Variants in SEMA5A observed in about 807,000 individuals in gnomAD.
SEMA5A encodes semaphorin 5A, also known as semaphorin-5A.
Under a neutral mutation model 135.5 loss-of-function variants are expected in SEMA5A, and 55 were observed. The ratio of observed to expected loss-of-function variants is 0.41; its 90% CI spans 0.33 to 0.51. The LOEUF (loss-of-function observed/expected upper bound fraction) is 0.51. Ranked by LOEUF, SEMA5A falls within the 20% of genes least tolerant of loss-of-function variation. The pLI is 0.37. For synonymous variants in SEMA5A, 580 were observed against 546.5 expected (o/e 1.06, Z -0.85); for missense variants, 1,290 against 1,419.9 (o/e 0.91, Z 1.47).
intron 1 of SEMA5A, among the ~76,000 whole-genome samples, chr5:9,452,830 G>A (rs549574397): frequency 8.5e-5 from 13 of 152,188 alleles, no homozygotes; most frequent in African/African-American, 2.6e-4. Context: ...GAAGCCCAAC[G>A]ACAATAATGC....
intron 15 of SEMA5A, among the ~76,000 whole-genome samples, chr5:9,117,178 T>C (rs1261953118): frequency 6.6e-6 from 1 of 152,234 alleles, no homozygotes; most frequent in Non-Finnish European, 1.5e-5. Context: ...TATCTTTTCC[T>C]GAAGACACCG....
At chr5:9,487,490 G>A (rs954050605) in intron 1 of SEMA5A, among the ~76,000 whole-genome samples, 1 of 152,180 alleles carries the variant, frequency 6.6e-6, no homozygotes, top group Non-Finnish European at 1.5e-5. Context: ...AGGCTGAAGG[G>A]TGGAGGTTTG....
At position 9,458,689 on chromosome 5, in the gene SEMA5A, T is replaced by C. The variant is rs268537; in HGVS notation, c.-174-20837A>G. Reference sequence around the variant, plus strand: ...CTCTACAGAAAACCAGGGCTCCATGTTCAAAGCTGAGTTTGCTGTAAAATG... The same window carrying C: ...CTCTACAGAAAACCAGGGCTCCATGCTCAAAGCTGAGTTTGCTGTAAAATG... On this transcript the variant is annotated intron_variant, in intron 1 of 22. Transcript: ENST00000382496. Among the ~76,000 whole-genome samples, 810 of 152,306 alleles carry C rather than the reference T, an allele frequency of 5.3e-3. 12 individuals carry two copies. Among genetic ancestry groups the C allele is most frequent in the African/African-American group, 0.018 (764 of 41,568 alleles).
rs532435171 is a variant in SEMA5A at position 9,230,540 on chromosome 5, A to G, written c.334-3573T>C. ...GATCATTAAGACCACGTGAGAATACATGAAGACACTGGCTCTATTATTGGC... is the reference window on the plus strand; with the variant it reads ...GATCATTAAGACCACGTGAGAATACGTGAAGACACTGGCTCTATTATTGGC... On this transcript the variant is annotated intron_variant, in intron 6 of 22. Coordinates refer to ENST00000382496, the MANE Select transcript of SEMA5A (RefSeq NM_003966.3). Among the ~76,000 whole-genome samples the G allele has an allele frequency of 4.6e-5, 7 of 152,312 alleles. No individual in the cohort carries two copies. In the South Asian group the frequency reaches 1.0e-3, roughly 23 times the overall value.
intron 16 of SEMA5A, among the ~76,000 whole-genome samples, chr5:9,100,749 T>A (rs926729407): frequency 1.3e-5 from 2 of 151,984 alleles, no homozygotes; most frequent in African/African-American, 2.4e-5. Flanking sequence ...AAGAAAATAG[T>A]CCAAAATAAT....
intron 12 of SEMA5A, among the ~76,000 whole-genome samples, chr5:9,139,571 T>A (rs1382767915): frequency 6.6e-6 from 1 of 152,264 alleles, no homozygotes; most frequent in African/African-American, 2.4e-5. Context: ...GTAAACTTCC[T>A]ATCCATATCC....
Position 9,204,015 on chromosome 5 carries a change from C to T in SEMA5A, c.647-1775G>A, listed in dbSNP as rs1372474124. The stretch of plus-strand genomic sequence containing the variant: ...TTAAGTCTGTGTTTACTGTAAGTCT[C>T]CAAAACAGAATTACCTGATGAAGCA... On this transcript the variant is annotated intron_variant, in intron 8 of 22. Transcript: ENST00000382496. This position sits in a 1 kb window ranked among gnomAD's most constrained non-coding sequence, Gnocchi z 6.4. Among the ~76,000 whole-genome samples the T allele has an allele frequency of 1.3e-5, 2 of 151,936 alleles. No individual in the cohort carries two copies. The highest frequency in any genetic ancestry group is 4.8e-5 in the African/African-American group (2 of 41,326).
intron 8 of SEMA5A, among the ~76,000 whole-genome samples, chr5:9,207,102 G>GTATATATATA (rs70943947): frequency 0.028 from 2,716 of 97,240 alleles, 134 homozygotes; most frequent in Middle Eastern, 0.033. Flanking sequence ...ATGATCAAGT[G>GTATATATATA]TATATATATA....
rs138890988 is a variant in SEMA5A at position 9,300,104 on chromosome 5, G to A, written c.270+18268C>T. Among the ~76,000 whole-genome samples, 7 of 152,242 alleles carry A rather than the reference G, an allele frequency of 4.6e-5. No individual in the cohort carries two copies. In the East Asian group the frequency reaches 1.2e-3, roughly 25 times the overall value. ...TGCACTGGCACTATCATGGCTCACT[G>A]CAGCATCGAGCTCCCCAGTCTCCAG... On this transcript the variant is annotated intron_variant, in intron 5 of 22. Transcript: ENST00000382496.
intron 2 of SEMA5A, among the ~76,000 whole-genome samples, chr5:9,422,118 C>G (rs139600358): frequency 1.5e-3 from 227 of 152,282 alleles, no homozygotes; most frequent in Non-Finnish European, 2.6e-3. Flanking sequence ...GGAAAAGATC[C>G]AGTACAAATA....
chr5:9,369,808 C>T (rs1371559620), intron 3 of SEMA5A, among the ~76,000 whole-genome samples: 5 of 151,654 alleles, frequency 3.3e-5, no homozygotes, highest in African/African-American at 4.9e-5. Flanking sequence ...AGTGCAGGAG[C>T]TTAGAGGCAT....
At chr5:9,460,132 C>T (rs988745023) in intron 1 of SEMA5A, among the ~76,000 whole-genome samples, 7 of 152,182 alleles carry the variant, frequency 4.6e-5, no homozygotes, top group African/African-American at 1.4e-4. Context: ...TTTGGTAGCT[C>T]ATATAAAACA....
chr5:9,497,945 C>G (rs954807090), intron 1 of SEMA5A, among the ~76,000 whole-genome samples: 4 of 152,230 alleles, frequency 2.6e-5, no homozygotes, highest in Non-Finnish European at 5.9e-5. Context: ...GGACATGACA[C>G]AGGCAAAGCT....
chr5:9,413,312 A>G (rs1169010201), intron 2 of SEMA5A, among the ~76,000 whole-genome samples: 1 of 152,238 alleles, frequency 6.6e-6, no homozygotes, highest in Non-Finnish European at 1.5e-5. Flanking sequence ...TATATATGGC[A>G]TTAATCAGAA....
rs1754880833 is a variant in SEMA5A, at chr5:9,365,568, T to C, written c.124+14255A>G. 2.0e-5 allele frequency among the ~76,000 whole-genome samples: 3 copies of C among 152,194 alleles called. No homozygotes were observed. The South Asian group carries it at 6.2e-4, about 31-fold the overall frequency. On this transcript the variant is annotated intron_variant, in intron 3 of 22. Transcript: ENST00000382496. ...GTGTTTCAGCACCATTTAAATAGTG[T>C]ACCCAAGATGAGTTCCTCACTCACC...
chr5:9,224,734 G>A lies in SEMA5A; in HGVS notation c.586C>T (p.Arg196Ter), dbSNP rs755337949. ...AGAGGAGGTAAAATGCCTAGGCTTCGGTAAATGGCAGGATCACGTCCTGGA... is the reference window on the plus strand; with the variant it reads ...AGAGGAGGTAAAATGCCTAGGCTTCAGTAAATGGCAGGATCACGTCCTGGA... ...DFPGRDPAIY[R>*]SLGILPPLRT... The change falls in exon 8 of 23, where the codon CGA becomes TGA. Residue 196 changes from arginine to a stop codon, truncating the protein, a stop_gained. Coordinates refer to ENST00000382496, the MANE Select transcript of SEMA5A (RefSeq NM_003966.3). LOFTEE classifies it high-confidence loss of function. 1.4e-5 allele frequency: 22 copies of A among 1,614,000 alleles called. No individual in the cohort carries two copies. Among genetic ancestry groups the A allele is most frequent in the Admixed American group, 1.7e-5 (1 of 60,002 alleles).
intron 8 of SEMA5A, among the ~76,000 whole-genome samples, chr5:9,212,775 T>G (rs1013265001): frequency 6.6e-6 from 1 of 152,200 alleles, no homozygotes; most frequent in African/African-American, 2.4e-5. Context: ...TTTCAGACAC[T>G]GAGTAAGATG....
At chr5:9,256,824 A>G (rs928522113) in intron 5 of SEMA5A, among the ~76,000 whole-genome samples, 1 of 152,264 alleles carries the variant, frequency 6.6e-6, no homozygotes, top group South Asian at 2.1e-4. Context: ...TTTCAAGGCG[A>G]GAGCCTCATC....
At position 9,400,524 on chromosome 5, in the gene SEMA5A, T is replaced by TA. The variant is rs1491341787; in HGVS notation, c.-77-20502_-77-20501insT. Among the ~76,000 whole-genome samples, 11 of 99,196 alleles carry TA rather than the reference T, an allele frequency of 1.1e-4. 1 individual carries two copies. The South Asian group carries it at 2.5e-3, about 23-fold the overall frequency. 65.1% of individuals were successfully genotyped at this position (99,196 alleles called of 152,430 possible). A position where few individuals can be genotyped will look rare whatever the true frequency, so the allele number is the denominator to read the frequency against. ...ACATTTTTTTTTTTTTTTTTTTTTT[T>TA]GAGACGGAGTCTCGCTCTGTCGCCC... On this transcript the variant is annotated intron_variant, in intron 2 of 22. Coordinates refer to ENST00000382496, the MANE Select transcript of SEMA5A (RefSeq NM_003966.3).
Sources: gnomAD v4.1 joint callset for allele counts (sites outside exome capture counted in the v4.1 genomes callset) on GRCh38, gnomAD v4.1.1 for gene constraint, Gnocchi (gnomAD v3.1) non-coding constraint, MANE v1.5 for transcripts, NCBI Gene and HGNC (gene_info 2026-07-23, HGNC 2026-07-21) for gene names.